Variants in GOLGA1 observed in about 807,000 individuals in gnomAD.
GOLGA1 encodes golgin subfamily A member 1.
A neutral mutation model predicts 119.7 loss-of-function variants in GOLGA1; 63 were observed. The observed-to-expected ratio is 0.53, with a 90% CI of 0.43 to 0.65. The LOEUF is 0.65. Ranked by LOEUF, GOLGA1 falls within the 30% of genes least tolerant of loss-of-function variation. GOLGA1 has a pLI of 0.00. For synonymous variants in GOLGA1, 318 were observed against 333.4 expected (o/e 0.95, Z 0.50); for missense variants, 798 against 912.8 (o/e 0.87, Z 1.62).
intron 12 of GOLGA1, among the ~76,000 whole-genome samples, chr9:124,906,915 A>G (rs889822214): frequency 5.9e-5 from 9 of 152,214 alleles, no homozygotes; most frequent in Non-Finnish European, 1.3e-4. Context: ...ACATTGTTAG[A>G]AGGAATAATT....
chr9:124,921,496 T>C (rs1236544758), intron 9 of GOLGA1, among the ~76,000 whole-genome samples: 3 of 152,112 alleles, frequency 2.0e-5, no homozygotes, highest in African/African-American at 4.8e-5. Context: ...AAAACCACAC[T>C]GAATTGTTCA....
chr9:124,937,797 T>C (rs1794677877), intron 3 of GOLGA1, among the ~76,000 whole-genome samples: 1 of 152,022 alleles, frequency 6.6e-6, no homozygotes, highest in South Asian at 2.1e-4. Context: ...AGAAACATAT[T>C]GTAGGCTGGG....
At position 124,919,963 on chromosome 9, in the gene GOLGA1, A is replaced by T. The variant is rs569196715; in HGVS notation, c.843+1166T>A. On this transcript the variant is annotated intron_variant, in intron 10 of 22. Coordinates refer to ENST00000373555, the MANE Select transcript of GOLGA1 (RefSeq NM_002077.4). ...ATTTATTTATTTATTTATTTATTTTATTATTTTTTTAAGACAGAGTCTCTC... is the reference window on the plus strand; with the variant it reads ...ATTTATTTATTTATTTATTTATTTTTTTATTTTTTTAAGACAGAGTCTCTC... 2.0e-3 allele frequency among the ~76,000 whole-genome samples: 308 copies of T among 150,684 alleles called. 1 individual carries two copies. The highest frequency in any genetic ancestry group is 3.4e-3 in the Non-Finnish European group (231 of 67,872).
rs781505052 is a variant in GOLGA1 at position 124,888,544 on chromosome 9, GATCC to G, written c.1762-152_1762-149del. The G allele has an allele frequency of 1.5e-6, 1 of 680,910 alleles. No homozygotes were observed. Among genetic ancestry groups the G allele is most frequent in the Non-Finnish European group, 2.6e-6 (1 of 390,008 alleles). 42.2% of individuals were successfully genotyped at this position (680,910 alleles called of 1,614,324 possible). On this transcript the variant is annotated intron_variant, in intron 18 of 22. Transcript: ENST00000373555. The surrounding 1 kb of genome is among the most constrained non-coding windows in gnomAD (Gnocchi z 4.4). ...TGGCCAGGAAGCAATTCCTGGAGAA[GATCC>G]AATGCCCAATGCCCACAACTAATCA...
rs1456458494 is a variant in GOLGA1, at chr9:124,911,881, C to T, written c.969+20G>A. The T allele has an allele frequency of 6.2e-7, 1 of 1,607,082 alleles. No homozygotes were observed. The highest frequency in any genetic ancestry group is 8.5e-7 in the Non-Finnish European group (1 of 1,175,148). On this transcript the variant is annotated intron_variant, in intron 11 of 22. Transcript: ENST00000373555. ...CCCTGCCTTTCCAACACCAGCCAGC[C>T]CAAAGAGAACAGAAGTTACCTCTTT...
intron 15 of GOLGA1, among the ~76,000 whole-genome samples, chr9:124,895,660 C>A (rs893196433): frequency 2.7e-5 from 4 of 150,516 alleles, no homozygotes; most frequent in Non-Finnish European, 5.9e-5. Context: ...CGACAGAGAA[C>A]CATCCACAAC....
intron 7 of GOLGA1, among the ~76,000 whole-genome samples, chr9:124,926,399 CT>C (rs1397487283): frequency 6.6e-6 from 1 of 152,192 alleles, no homozygotes; most frequent in Non-Finnish European, 1.5e-5. Context: ...GGGTTCCCCA[CT>C]GGCTGAACCC....
At chr9:124,901,074 T>C (rs972627207) in intron 12 of GOLGA1, among the ~76,000 whole-genome samples, 1 of 146,330 alleles carries the variant, frequency 6.8e-6, no homozygotes, top group African/African-American at 2.5e-5. Context: ...TGGGTTCACG[T>C]CATTCTCCTC....
chr9:124,931,177 G>A, intron 4 of GOLGA1, 139 bp downstream of exon 4: 1 of 577,968 alleles, frequency 1.7e-6, no homozygotes, highest in Non-Finnish European at 3.2e-6. Flanking sequence ...AAAGAAGAGG[G>A]TATACTTGCT....
At chr9:124,918,152 C>G (rs982561651) in intron 10 of GOLGA1, among the ~76,000 whole-genome samples, 3 of 152,114 alleles carry the variant, frequency 2.0e-5, no homozygotes, top group African/African-American at 7.2e-5. Context: ...AAGCCCAGCC[C>G]TGATCTGATA....
chr9:124,885,310 G>A (rs1829694271), intron 19 of GOLGA1, among the ~76,000 whole-genome samples: 3 of 130,278 alleles, frequency 2.3e-5, no homozygotes, highest in African/African-American at 5.5e-5. Flanking sequence ...CCTGGCGACA[G>A]AGACTCCATC....
At chr9:124,929,424 C>A in intron 4 of GOLGA1, 134 bp from the exon 5 acceptor site, 1 of 671,600 alleles carries the variant, frequency 1.5e-6, no homozygotes, top group Non-Finnish European at 2.7e-6. Flanking sequence ...GAAAGCTAGA[C>A]AGACAGCCTC....
At chr9:124,916,867 C>T (rs1262137039) in intron 10 of GOLGA1, among the ~76,000 whole-genome samples, 18 of 125,416 alleles carry the variant, frequency 1.4e-4, no homozygotes, top group African/African-American at 4.8e-4. Flanking sequence ...CAGAGTGAGA[C>T]CCTGACACAC....
At chr9:124,911,420 A>T (rs1830339103) in intron 11 of GOLGA1, among the ~76,000 whole-genome samples, 1 of 152,238 alleles carries the variant, frequency 6.6e-6, no homozygotes, top group African/African-American at 2.4e-5. Context: ...ATGTGTGCAG[A>T]CAATGAGCTC....
intron 3 of GOLGA1, among the ~76,000 whole-genome samples, chr9:124,937,733 T>C (rs1830905308): frequency 6.6e-6 from 1 of 152,132 alleles, no homozygotes. Context: ...TTCCCTCATA[T>C]AGCAACATCT....
chr9:124,897,067 T>C (rs584682), intron 15 of GOLGA1, among the ~76,000 whole-genome samples: 149,673 of 152,322 alleles, frequency 0.98, 73,587 homozygotes, highest in East Asian at 1. Flanking sequence ...ACAGACTAGG[T>C]TTTTTCCTGC....
chr9:124,900,203 C>G, intron 13 of GOLGA1: 1 of 346,418 alleles, frequency 2.9e-6, no homozygotes, highest in Middle Eastern at 8.2e-4. Flanking sequence ...CAGGACCAGG[C>G]TGGACCAGAA....
intron 10 of GOLGA1, among the ~76,000 whole-genome samples, chr9:124,916,409 C>T (rs1423375727): frequency 2.0e-5 from 3 of 151,818 alleles, no homozygotes; most frequent in Non-Finnish European, 2.9e-5. Flanking sequence ...TGCATAAATA[C>T]TACTATGAAT....
intron 12 of GOLGA1, among the ~76,000 whole-genome samples, chr9:124,905,477 AATAC>A (rs1830208843): frequency 6.6e-6 from 1 of 152,100 alleles, no homozygotes; most frequent in Non-Finnish European, 1.5e-5. Flanking sequence ...TAAATAAATA[AATAC>A]ATACATACCA....
Sources: allele counts gnomAD v4.1 joint callset (sites outside exome capture counted in the v4.1 genomes callset), GRCh38; gene constraint gnomAD v4.1.1; non-coding constraint Gnocchi (gnomAD v3.1); transcripts MANE v1.5; gene names NCBI Gene and HGNC (gene_info 2026-07-23, HGNC 2026-07-21).